IQCM: variants seen among roughly 807,000 people sequenced by gnomAD.
The protein encoded by IQCM is IQ motif containing M.
Under a neutral mutation model 57.6 loss-of-function variants are expected in IQCM, and 45 were observed. The ratio of observed to expected loss-of-function variants is 0.78; its 90% CI spans 0.62 to 1.00. IQCM has a LOEUF of 1.00. Among genes scored for constraint, IQCM ranks in the 50% least tolerant of loss-of-function variants. The pLI is 0.00. For synonymous variants in IQCM, 148 were observed against 158.9 expected (o/e 0.93, Z 0.51); for missense variants, 468 against 511.6 (o/e 0.91, Z 0.82).
At chr4:149,631,406 A>C (rs1241806387) in intron 7 of IQCM, among the ~76,000 whole-genome samples, 7 of 152,222 alleles carry the variant, frequency 4.6e-5, no homozygotes, top group Non-Finnish European at 7.3e-5. Context: ...TGGGACTCCA[A>C]CATAAAAATA....
intron 12 of IQCM, among the ~76,000 whole-genome samples, chr4:149,547,530 T>C (rs1348944690): frequency 6.6e-6 from 1 of 152,146 alleles, no homozygotes; most frequent in Admixed American, 6.5e-5. Flanking sequence ...ATACAAACTT[T>C]TTGTCTTTCA....
At chr4:149,413,327 G>A (rs181984267) in intron 13 of IQCM, among the ~76,000 whole-genome samples, 1 of 152,274 alleles carries the variant, frequency 6.6e-6, no homozygotes, top group African/African-American at 2.4e-5. Context: ...GATTGAAAAA[G>A]GAATCTAGTG....
At chr4:149,423,023 A>T (rs1734220387) in intron 13 of IQCM, among the ~76,000 whole-genome samples, 1 of 152,052 alleles carries the variant, frequency 6.6e-6, no homozygotes, top group South Asian at 2.1e-4. Flanking sequence ...AAATAGTGTT[A>T]ATCCTAGTAA....
At position 149,587,920 on chromosome 4, in the gene IQCM, A is replaced by C; in HGVS notation, c.749+10T>G. 1 of 1,192,688 alleles carries C rather than the reference A, an allele frequency of 8.4e-7. No individual in the cohort carries two copies. Among genetic ancestry groups the C allele is most frequent in the Non-Finnish European group, 1.0e-6 (1 of 952,684 alleles). 73.9% of individuals were successfully genotyped at this position (1,192,688 alleles called of 1,614,324 possible). A position where few individuals can be genotyped will look rare whatever the true frequency, so the allele number is the denominator to read the frequency against. ...TTAATTTACACTTTTCTATTATATA[A>C]AAGATATACCTGGGTTGTGATTTTG... On this transcript the variant is annotated intron_variant, in intron 9 of 13. Transcript: ENST00000636793.
At chr4:149,404,847 G>C (rs1578946585) in intron 13 of IQCM, among the ~76,000 whole-genome samples, 1 of 152,078 alleles carries the variant, frequency 6.6e-6, no homozygotes, top group Non-Finnish European at 1.5e-5. Context: ...TAATAACAAA[G>C]TGTCCTCTAG....
intron 12 of IQCM, among the ~76,000 whole-genome samples, chr4:149,532,149 A>G (rs1746812267): frequency 6.6e-6 from 1 of 152,114 alleles, no homozygotes; most frequent in Admixed American, 6.6e-5. Context: ...AAATAATGCA[A>G]GTGTTCCTGT....
chr4:149,399,298 C>T (rs1732449659), intron 13 of IQCM, among the ~76,000 whole-genome samples: 1 of 151,890 alleles, frequency 6.6e-6, no homozygotes, highest in African/African-American at 2.4e-5. Context: ...GGTTTTGGTT[C>T]CCACTGGAAT....
chr4:149,434,416 C>T (rs79047598), intron 12 of IQCM, among the ~76,000 whole-genome samples: 410 of 152,174 alleles, frequency 2.7e-3, no homozygotes, highest in Non-Finnish European at 4.6e-3. Flanking sequence ...AGCCAGGGTC[C>T]TAAAATTCAA....
chr4:149,659,469 G>GC (rs1759964392), intron 7 of IQCM, among the ~76,000 whole-genome samples: 1 of 151,940 alleles, frequency 6.6e-6, no homozygotes, highest in Non-Finnish European at 1.5e-5. Flanking sequence ...TCACAGAATT[G>GC]GAAAAAACTA....
At chr4:149,554,722 CAG>C (rs1749387573) in intron 10 of IQCM, among the ~76,000 whole-genome samples, 1 of 147,778 alleles carries the variant, frequency 6.8e-6, no homozygotes, top group African/African-American at 2.5e-5. Context: ...TTTTTTGAGA[CAG>C]AGTGTCGCTC....
At chr4:149,727,857 C>A (rs907701866) in intron 5 of IQCM, among the ~76,000 whole-genome samples, 6 of 152,192 alleles carry the variant, frequency 3.9e-5, no homozygotes, top group Non-Finnish European at 7.3e-5. Context: ...TTGACACGGC[C>A]TGCATGCAGT....
chr4:149,440,605 T>G (rs548934630), intron 12 of IQCM, among the ~76,000 whole-genome samples: 7 of 152,246 alleles, frequency 4.6e-5, no homozygotes, highest in African/African-American at 1.7e-4. Context: ...TATATACATT[T>G]TTTTCCTTTT....
intron 12 of IQCM, among the ~76,000 whole-genome samples, chr4:149,545,926 G>A (rs530457716): frequency 1.8e-4 from 28 of 152,006 alleles, no homozygotes; most frequent in Admixed American, 1.0e-3. Context: ...CCGTTAACTC[G>A]TCCTTTACAT....
At chr4:149,522,857 A>G (rs1281312878) in intron 12 of IQCM, among the ~76,000 whole-genome samples, 1 of 152,212 alleles carries the variant, frequency 6.6e-6, no homozygotes, top group African/African-American at 2.4e-5. Context: ...GAAAATACAC[A>G]AAATAGGTAT....
chr4:149,607,584 A>C (rs1754906113), intron 8 of IQCM, among the ~76,000 whole-genome samples: 1 of 152,046 alleles, frequency 6.6e-6, no homozygotes, highest in African/African-American at 2.4e-5. Context: ...GCAACTTAAG[A>C]GATAAATAAT....
chr4:149,643,778 T>C (rs1051052317), intron 7 of IQCM, among the ~76,000 whole-genome samples: 2 of 152,182 alleles, frequency 1.3e-5, no homozygotes, highest in African/African-American at 4.8e-5. Context: ...TTTAATACTG[T>C]GGCCTTTTCC....
At chr4:149,805,230 A>G (rs181260632) in intron 2 of IQCM, among the ~76,000 whole-genome samples, 4 of 152,218 alleles carry the variant, frequency 2.6e-5, no homozygotes, top group Non-Finnish European at 5.9e-5. Flanking sequence ...ATTTTATTCT[A>G]TACTGTATAT....
chr4:149,617,454 T>A (rs779841702), intron 8 of IQCM, among the ~76,000 whole-genome samples: 1 of 152,148 alleles, frequency 6.6e-6, no homozygotes, highest in East Asian at 1.9e-4. Context: ...TATCATTCTC[T>A]CATATTTATT....
intron 5 of IQCM, among the ~76,000 whole-genome samples, chr4:149,711,303 ACT>A (rs1240461779): frequency 6.6e-6 from 1 of 152,154 alleles, no homozygotes. Context: ...TACCCCAGTT[ACT>A]CAAGAAAGAG....
Sources: allele counts gnomAD v4.1 joint callset (sites outside exome capture counted in the v4.1 genomes callset), GRCh38; gene constraint gnomAD v4.1.1; transcripts MANE v1.5; gene names NCBI Gene and HGNC (gene_info 2026-07-23, HGNC 2026-07-21).